MALRD1: variants seen among roughly 807,000 people sequenced by gnomAD.
MALRD1 encodes the protein MAM and LDL receptor class A domain containing 1, also known as MAM and LDL-receptor class A domain-containing protein 1.
A neutral mutation model predicts 242.1 loss-of-function variants in MALRD1; 247 were observed. The ratio of observed to expected loss-of-function variants is 1.02; its 90% CI spans 0.92 to 1.13. MALRD1 has a LOEUF of 1.13. Ranked by LOEUF, MALRD1 falls within the 50% of genes most tolerant of loss-of-function variation. The pLI, the probability that MALRD1 is intolerant of heterozygous loss-of-function variation, is 0.00. For synonymous variants in MALRD1, 995 were observed against 866.6 expected (o/e 1.15, Z -2.60); for missense variants, 2,989 against 2,533.1 (o/e 1.18, Z -3.86).
At chr10:19,389,799 C>T (rs1846260002) in intron 28 of MALRD1, among the ~76,000 whole-genome samples, 190 bp downstream of exon 28, 1 of 152,138 alleles carries the variant, frequency 6.6e-6, no homozygotes, top group South Asian at 2.1e-4. Context: ...ACCATCATGC[C>T]TGGCTAATTT....
chr10:19,712,065 G>T (rs1834148345), intron 38 of MALRD1, among the ~76,000 whole-genome samples: 1 of 152,096 alleles, frequency 6.6e-6, no homozygotes, highest in Admixed American at 6.6e-5. Flanking sequence ...GAGGCCTGAT[G>T]GTTGGTTTCC....
intron 21 of MALRD1, among the ~76,000 whole-genome samples, chr10:19,317,956 T>C (rs1465615712): frequency 6.6e-6 from 1 of 152,094 alleles, no homozygotes; most frequent in Non-Finnish European, 1.5e-5. Flanking sequence ...CCTTTACTAC[T>C]GTGTGGTTTA....
intron 34 of MALRD1, among the ~76,000 whole-genome samples, chr10:19,599,215 T>G (rs1838241101): frequency 6.6e-6 from 1 of 152,148 alleles, no homozygotes; most frequent in Non-Finnish European, 1.5e-5. Flanking sequence ...GGACTAAGGA[T>G]TTGGAGACGT....
At chr10:19,473,385 T>C (rs1474964450) in intron 29 of MALRD1, among the ~76,000 whole-genome samples, 1 of 151,980 alleles carries the variant, frequency 6.6e-6, no homozygotes, top group Non-Finnish European at 1.5e-5. Flanking sequence ...TAGCCTTAAG[T>C]ACATTTACAT....
chr10:19,413,165 T>A (rs1833352259), intron 28 of MALRD1, among the ~76,000 whole-genome samples: 2 of 152,188 alleles, frequency 1.3e-5, no homozygotes, highest in Non-Finnish European at 2.9e-5. Context: ...ATTTTACAAA[T>A]GAAAAACTGA....
chr10:19,376,452 C>T (rs1173401718), intron 26 of MALRD1, among the ~76,000 whole-genome samples: 1 of 150,002 alleles, frequency 6.7e-6, no homozygotes, highest in Non-Finnish European at 1.5e-5. Context: ...GCTTCCCTCA[C>T]AGTAGCTGGG....
Position 19,116,775 on chromosome 10 carries a change from A to T in MALRD1, c.695-6717A>T, listed in dbSNP as rs569717071. 5.6e-3 allele frequency among the ~76,000 whole-genome samples: 859 copies of T among 152,256 alleles called. 4 individuals carry two copies. The highest frequency in any genetic ancestry group is 9.6e-3 in the Non-Finnish European group (651 of 68,004). ...CCCTAAAATAATATTGTACTGCCAG[A>T]TTGTGGTACAAAGTAAGAATAAGAG... On this transcript the variant is annotated intron_variant, in intron 5 of 39. Coordinates refer to ENST00000454679, the MANE Select transcript of MALRD1 (RefSeq NM_001142308.3).
At chr10:19,086,177 C>A (rs1835662679) in intron 2 of MALRD1, among the ~76,000 whole-genome samples, 1 of 152,150 alleles carries the variant, frequency 6.6e-6, no homozygotes, top group East Asian at 1.9e-4. Flanking sequence ...TCGTTAATAT[C>A]ACTGTTTGCT....
At chr10:19,683,307 G>A (rs948403369) in intron 36 of MALRD1, among the ~76,000 whole-genome samples, 2 of 152,166 alleles carry the variant, frequency 1.3e-5, no homozygotes, top group South Asian at 4.1e-4. Flanking sequence ...AGGGAATGTG[G>A]TCCTAAGGTC....
At chr10:19,304,366 T>G (rs1270294480) in intron 21 of MALRD1, among the ~76,000 whole-genome samples, 1 of 151,666 alleles carries the variant, frequency 6.6e-6, no homozygotes, top group Non-Finnish European at 1.5e-5. Context: ...CCTCTCTGTA[T>G]CATCTATCTA....
chr10:19,331,899 A>T (rs561856836), intron 24 of MALRD1, among the ~76,000 whole-genome samples: 3 of 152,186 alleles, frequency 2.0e-5, no homozygotes, highest in African/African-American at 7.2e-5. Flanking sequence ...ACGGAATCTC[A>T]CTCTGTTGCA....
intron 28 of MALRD1, among the ~76,000 whole-genome samples, chr10:19,400,301 T>G (rs186827617): frequency 6.6e-6 from 1 of 152,300 alleles, no homozygotes; most frequent in African/African-American, 2.4e-5. Context: ...TAACTTCATG[T>G]GCTACATTCT....
intron 31 of MALRD1, among the ~76,000 whole-genome samples, chr10:19,519,814 G>A (rs1399123615): frequency 6.6e-6 from 1 of 152,082 alleles, no homozygotes; most frequent in African/African-American, 2.4e-5. Flanking sequence ...TATTATATTT[G>A]TTCAATGATT....
At chr10:19,229,818 A>T (rs58796401) in intron 18 of MALRD1, among the ~76,000 whole-genome samples, 13,202 of 152,146 alleles carry the variant, frequency 0.087, 657 homozygotes, top group Middle Eastern at 0.11. Context: ...TGTATTCTCT[A>T]GACTGCTGTG....
At chr10:19,125,339 T>TTC (rs1564408017) in intron 7 of MALRD1, among the ~76,000 whole-genome samples, 4 of 86,014 alleles carry the variant, frequency 4.7e-5, no homozygotes, top group Non-Finnish European at 9.2e-5. Flanking sequence ...CTTTCTTTCT[T>TTC]TCTTTCTTTC....
chr10:19,672,511 C>T (rs1441629826), intron 36 of MALRD1, among the ~76,000 whole-genome samples: 2 of 150,958 alleles, frequency 1.3e-5, no homozygotes, highest in African/African-American at 2.4e-5. Context: ...GCAACCTCTG[C>T]CTCCTGGGTT....
At chr10:19,457,951 C>T (rs1289352006) in intron 29 of MALRD1, among the ~76,000 whole-genome samples, 4 of 151,436 alleles carry the variant, frequency 2.6e-5, no homozygotes, top group East Asian at 3.9e-4. Flanking sequence ...AAGGAAAGGG[C>T]GGGAAAAGAA....
chr10:19,237,478 T>C (rs1295643859), intron 18 of MALRD1, among the ~76,000 whole-genome samples: 1 of 140,386 alleles, frequency 7.1e-6, no homozygotes, highest in East Asian at 2.0e-4. Context: ...TCATTCTTTT[T>C]TTATGGCTGA....
intron 35 of MALRD1, among the ~76,000 whole-genome samples, chr10:19,609,717 T>C (rs1462577620): frequency 6.6e-6 from 1 of 152,124 alleles, no homozygotes; most frequent in Non-Finnish European, 1.5e-5. Context: ...TTTCAAGTTT[T>C]TGTTGCTTTG....
Sources: allele counts gnomAD v4.1 joint callset (sites outside exome capture counted in the v4.1 genomes callset), GRCh38; gene constraint gnomAD v4.1.1; transcripts MANE v1.5; gene names NCBI Gene and HGNC (gene_info 2026-07-23, HGNC 2026-07-21).